Variants in NPAS2 observed in about 807,000 individuals in gnomAD.
NPAS2 encodes the protein neuronal PAS domain-containing protein 2.
NPAS2 carries 23 observed loss-of-function variants against 107.5 expected under a neutral mutation model. That is an observed-to-expected ratio of 0.21 (90% CI 0.15 to 0.30). The LOEUF is 0.30. Among genes scored for constraint, NPAS2 ranks in the 10% least tolerant of loss-of-function variants. The pLI is 1.00. For missense variants in NPAS2, 756 were observed against 1,043.3 expected (o/e 0.72, Z 3.79); for synonymous variants, 403 against 417.5 (o/e 0.97, Z 0.42).
intron 2 of NPAS2, among the ~76,000 whole-genome samples, chr2:100,919,154 G>T (rs1335964956): frequency 6.6e-6 from 1 of 152,188 alleles, no homozygotes; most frequent in Non-Finnish European, 1.5e-5. Context: ...ACATGCTATA[G>T]GATTATACTT....
At chr2:100,877,580 C>T (rs773102472) in intron 1 of NPAS2, among the ~76,000 whole-genome samples, 1 of 152,312 alleles carries the variant, frequency 6.6e-6, no homozygotes, top group East Asian at 1.9e-4. Flanking sequence ...CCCCTCCCCT[C>T]AGGTGGGCTC....
chr2:100,936,802 T>C (rs1007030228), intron 4 of NPAS2, among the ~76,000 whole-genome samples: 1 of 151,456 alleles, frequency 6.6e-6, no homozygotes, highest in Admixed American at 6.6e-5. Context: ...CCAATAATGG[T>C]GAAACCCTGT....
At chr2:100,920,296 T>TAAATGTC (rs572657884) in intron 2 of NPAS2, among the ~76,000 whole-genome samples, 174 of 152,192 alleles carry the variant, frequency 1.1e-3, no homozygotes, top group African/African-American at 3.9e-3. Context: ...GCAAGGAGAG[T>TAAATGTC]AAATGTCAAA....
intron 3 of NPAS2, among the ~76,000 whole-genome samples, chr2:100,930,874 CAGTT>C (rs1196645295): frequency 7.9e-5 from 12 of 152,154 alleles, no homozygotes; most frequent in African/African-American, 1.7e-4. Flanking sequence ...GCTAGAAAAA[CAGTT>C]AGTCTATAGT....
At chr2:100,899,533 C>A in intron 1 of NPAS2, among the ~76,000 whole-genome samples, 1 of 152,096 alleles carries the variant, frequency 6.6e-6, no homozygotes, top group East Asian at 1.9e-4. Context: ...CTGGACTTTT[C>A]TTAATAAGAA....
intron 7 of NPAS2, among the ~76,000 whole-genome samples, chr2:100,954,926 G>A (rs1269862938): frequency 6.6e-6 from 1 of 151,352 alleles, no homozygotes; most frequent in Non-Finnish European, 1.5e-5. Context: ...CACCCAGGTT[G>A]GAGTGTAGTG....
At chr2:100,819,717 A>C (rs1208582697), upstream of NPAS2, among the ~76,000 whole-genome samples, 1 of 151,030 alleles carries the variant, frequency 6.6e-6, no homozygotes, top group Non-Finnish European at 1.5e-5. This position sits in a 1 kb window ranked among gnomAD's most constrained non-coding sequence, Gnocchi z 5.8. Flanking sequence ...CCCGAGTGAC[A>C]ACTTTAATGG....
Position 100,965,670 on chromosome 2 carries a change from A to G in NPAS2, c.811A>G (p.Ile271Val), listed in dbSNP as rs1558918865. ...FLFLDHRAPP[I>V]IGYLPFEVLG... is the part of the protein sequence containing the mutation. ...CTTGTCCTTGTGCAGAGCACCTCCA[A>G]TCATAGGATACCTGCCTTTTGAAGT... The change falls in exon 10 of 21, where the codon ATC becomes GTC. Residue 271 changes from isoleucine to valine, a missense_variant. Coordinates refer to ENST00000335681, the MANE Select transcript of NPAS2 (RefSeq NM_002518.4). This position sits in a 1 kb window ranked among gnomAD's most constrained non-coding sequence, Gnocchi z 4.3. 1 of 1,613,342 alleles carries G rather than the reference A, an allele frequency of 6.2e-7. No homozygotes were observed.
At position 100,820,909 on chromosome 2, in the gene NPAS2, C is replaced by T; in HGVS notation, c.-23+495C>T. Reference sequence around the variant, plus strand: ...GGAGTCCCTGGGTCGGAATTGGTTCCGGGCCGGATTGGGTGCGGAATCGGT... The same window carrying T: ...GGAGTCCCTGGGTCGGAATTGGTTCTGGGCCGGATTGGGTGCGGAATCGGT... On this transcript the variant is annotated intron_variant, in intron 1 of 20. Transcript: ENST00000335681. The surrounding 1 kb of genome is among the most constrained non-coding windows in gnomAD (Gnocchi z 5.6). The T allele has an allele frequency of 1.7e-6, 1 of 592,566 alleles. No individual in the cohort carries two copies. The highest frequency in any genetic ancestry group is 2.6e-6 in the Non-Finnish European group (1 of 382,208). The allele number at this position is 592,566 out of a possible 1,614,324, so 36.7% of individuals were successfully genotyped here. A position where few individuals can be genotyped will look rare whatever the true frequency, so the allele number is the denominator to read the frequency against.
chr2:100,986,759 G>T (rs1677804128), intron 16 of NPAS2: 2 of 152,156 alleles, frequency 1.3e-5, no homozygotes, highest in Admixed American at 1.3e-4. Flanking sequence ...GCTCTAACTA[G>T]ATTTTTATTT....
In NPAS2 at chr2:100,977,859, C is replaced by T. The variant is rs550504227; in HGVS notation, c.1482+60C>T. 21 of 1,409,966 alleles carry T rather than the reference C, an allele frequency of 1.5e-5. No homozygotes were observed. The South Asian group carries it at 1.7e-4, about 12-fold the overall frequency. The allele number at this position is 1,409,966 out of a possible 1,614,324, so 87.3% of individuals were successfully genotyped here. A position where few individuals can be genotyped will look rare whatever the true frequency, so the allele number is the denominator to read the frequency against. ...CAAGCCAGAAGTCCGCAGTGTGCTG[C>T]GCTGATGGTCTTGTACACTTAGGTC... On this transcript the variant is annotated intron_variant, in intron 15 of 20. Transcript: ENST00000335681.
At chr2:100,858,110 G>A (rs1678698198) in intron 1 of NPAS2, among the ~76,000 whole-genome samples, 1 of 152,222 alleles carries the variant, frequency 6.6e-6, no homozygotes, top group African/African-American at 2.4e-5. Context: ...CAGGGGTTAA[G>A]TCATGGAAAA....
Position 100,898,133 on chromosome 2 carries a change from G to A in NPAS2, c.-22-6600G>A, listed in dbSNP as rs35334022. Among the ~76,000 whole-genome samples the A allele has an allele frequency of 1.7e-3, 257 of 151,886 alleles. 5 individuals carry two copies. In the East Asian group the frequency reaches 0.032, roughly 19 times the overall value. ...GTTTCACTCTGTTGTTTAGGCTGGTGCTCACTGTAACCTTGAACTCCGGGC... is the reference window on the plus strand; with the variant it reads ...GTTTCACTCTGTTGTTTAGGCTGGTACTCACTGTAACCTTGAACTCCGGGC... On this transcript the variant is annotated intron_variant, in intron 1 of 20. Coordinates refer to ENST00000335681, the MANE Select transcript of NPAS2 (RefSeq NM_002518.4).
chr2:100,859,094 G>A (rs1678771818), intron 1 of NPAS2, among the ~76,000 whole-genome samples: 1 of 152,138 alleles, frequency 6.6e-6, no homozygotes, highest in South Asian at 2.1e-4. Flanking sequence ...GCGAAACCCT[G>A]TATCTACAAA....
At chr2:100,940,917 G>A (rs191805519) in intron 5 of NPAS2, among the ~76,000 whole-genome samples, 177 of 152,294 alleles carry the variant, frequency 1.2e-3, no homozygotes, top group African/African-American at 4.1e-3. Context: ...GGTGGAGGTC[G>A]GGACACAGGG....
chr2:100,975,600 G>C, intron 14 of NPAS2, 33 bp downstream of exon 14: 1 of 1,503,920 alleles, frequency 6.6e-7, no homozygotes. Flanking sequence ...CTCCACGGGT[G>C]TACGCTACAA....
chr2:100,835,368 C>T (rs1676991804), intron 1 of NPAS2, among the ~76,000 whole-genome samples: 1 of 152,150 alleles, frequency 6.6e-6, no homozygotes, highest in African/African-American at 2.4e-5. Context: ...CTGAACCTGC[C>T]TTCTTTAGCT....
At chr2:100,939,604 T>C (rs1452896588) in intron 5 of NPAS2, among the ~76,000 whole-genome samples, 3 of 152,136 alleles carry the variant, frequency 2.0e-5, no homozygotes, top group Admixed American at 2.0e-4. Context: ...TGGAGGGCGC[T>C]TGTGTTTTGT....
chr2:100,894,395 C>G (rs1681272552), intron 1 of NPAS2, among the ~76,000 whole-genome samples: 1 of 152,178 alleles, frequency 6.6e-6, no homozygotes, highest in Non-Finnish European at 1.5e-5. Flanking sequence ...TCAGTGATAA[C>G]CAGGTCCATG....
Sources: gnomAD v4.1 joint callset for allele counts (sites outside exome capture counted in the v4.1 genomes callset) on GRCh38, gnomAD v4.1.1 for gene constraint, Gnocchi (gnomAD v3.1) non-coding constraint, MANE v1.5 for transcripts, NCBI Gene and HGNC (gene_info 2026-07-23, HGNC 2026-07-21) for gene names.